The following NEGR1 variants were observed in gnomAD, a reference collection of about 807,000 sequenced individuals.
NEGR1 encodes the protein neuronal growth regulator 1, also known as IgLON family member 4.
Under a neutral mutation model 40.9 loss-of-function variants are expected in NEGR1, and 10 were observed. The ratio of observed to expected loss-of-function variants is 0.24; its 90% confidence interval spans 0.15 to 0.42. The LOEUF is 0.42. Ranked by LOEUF, NEGR1 falls within the 10% of genes least tolerant of loss-of-function variation. The pLI is 1.00. For missense variants in NEGR1, 352 were observed against 438.9 expected, an observed-to-expected ratio of 0.80 and a Z score of 1.77; for synonymous variants, 185 against 166.8, an observed-to-expected ratio of 1.11 and a Z score of -0.84.
intron 6 of NEGR1, among the ~76,000 whole-genome samples, chr1:71,466,583 G>A (rs1646747644): frequency 6.6e-6 from 1 of 152,040 alleles, no homozygotes; most frequent in South Asian, 2.1e-4. Context: ...CCTGGTCAGA[G>A]TAGGCCTCGT....
intron 1 of NEGR1, among the ~76,000 whole-genome samples, chr1:72,222,131 G>A (rs1358530438): frequency 6.6e-6 from 1 of 152,096 alleles, no homozygotes; most frequent in African/African-American, 2.4e-5. Context: ...GACCCTTGCA[G>A]ATCAAAAGCC....
chr1:72,081,991 G>A (rs1648017975), intron 1 of NEGR1, among the ~76,000 whole-genome samples: 1 of 152,084 alleles, frequency 6.6e-6, no homozygotes, highest in Non-Finnish European at 1.5e-5. Context: ...TTAGTAAGGG[G>A]TGTAGCAAGC....
intron 6 of NEGR1, chr1:71,468,590 A>AT (rs1646762008): frequency 6.6e-6 from 1 of 152,046 alleles, no homozygotes; most frequent in African/African-American, 2.4e-5. Context: ...AGTCAGAGCC[A>AT]TAAAACAGAT....
chr1:71,863,971 T>G (rs914947467), intron 2 of NEGR1, among the ~76,000 whole-genome samples: 1 of 152,188 alleles, frequency 6.6e-6, no homozygotes, highest in African/African-American at 2.4e-5. Flanking sequence ...TTTATAGATT[T>G]AAAAAAACTG....
chr1:71,957,208 A>G (rs1646126396), intron 1 of NEGR1, among the ~76,000 whole-genome samples: 1 of 152,152 alleles, frequency 6.6e-6, no homozygotes, highest in Admixed American at 6.6e-5. Context: ...AAGTCTTCAG[A>G]GAGTTTCACT....
chr1:72,245,618 G>T (rs1020233721), intron 1 of NEGR1, among the ~76,000 whole-genome samples: 2 of 151,998 alleles, frequency 1.3e-5, no homozygotes, highest in Admixed American at 1.3e-4. Flanking sequence ...ATTTTTGGCT[G>T]TAAGAAAATA....
At chr1:72,122,434 C>G (rs1162183035) in intron 1 of NEGR1, among the ~76,000 whole-genome samples, 5 of 151,896 alleles carry the variant, frequency 3.3e-5, no homozygotes, top group Admixed American at 3.3e-4. Flanking sequence ...ATTTTATTCC[C>G]AATCCATTTA....
chr1:71,433,168 T>G (rs1384611785), intron 6 of NEGR1, among the ~76,000 whole-genome samples: 1 of 152,244 alleles, frequency 6.6e-6, no homozygotes, highest in African/African-American at 2.4e-5. Flanking sequence ...GATAATACCT[T>G]GATCTTGGAC....
chr1:71,671,712 C>A (rs981328430), intron 4 of NEGR1, among the ~76,000 whole-genome samples: 1 of 152,044 alleles, frequency 6.6e-6, no homozygotes, highest in Non-Finnish European at 1.5e-5. Flanking sequence ...GGGTTCTTCT[C>A]ACTGGTCTCT....
chr1:71,504,393 C>T (rs140656752), intron 6 of NEGR1, among the ~76,000 whole-genome samples: 49 of 151,760 alleles, frequency 3.2e-4, no homozygotes, highest in African/African-American at 1.1e-3. Context: ...AGATCCCCCT[C>T]ACAGGAGACA....
chr1:72,139,919 A>C (rs559368329), intron 1 of NEGR1, among the ~76,000 whole-genome samples: 1 of 152,156 alleles, frequency 6.6e-6, no homozygotes, highest in Non-Finnish European at 1.5e-5. Flanking sequence ...GTGAACTGGG[A>C]GAAGCAGCAG....
At chr1:72,068,804 T>C (rs560666300) in intron 1 of NEGR1, among the ~76,000 whole-genome samples, 1 of 152,128 alleles carries the variant, frequency 6.6e-6, no homozygotes. Flanking sequence ...AAATGCCAGT[T>C]TGGAATTATT....
chr1:72,204,549 T>C (rs1208870130), intron 1 of NEGR1, among the ~76,000 whole-genome samples: 1 of 152,196 alleles, frequency 6.6e-6, no homozygotes, highest in East Asian at 1.9e-4. Context: ...ATACTGTTGG[T>C]GCTTTGCTCT....
At chr1:72,142,568 CAGAT>C (rs1267505778) in intron 1 of NEGR1, among the ~76,000 whole-genome samples, 1 of 100,352 alleles carries the variant, frequency 1.0e-5, no homozygotes, top group Non-Finnish European at 2.1e-5. Flanking sequence ...GATAGATAGA[CAGAT>C]AGTGATAGAA....
chr1:71,677,443 T>C (rs915332180), intron 4 of NEGR1, among the ~76,000 whole-genome samples: 5 of 152,328 alleles, frequency 3.3e-5, no homozygotes, highest in African/African-American at 1.2e-4. Context: ...TTGAGTTGCA[T>C]GGCTGCTTTT....
At position 71,778,522 on chromosome 1, in the gene NEGR1, T is replaced by G. The variant is rs182666523; in HGVS notation, c.410-2225A>C. On this transcript the variant is annotated intron_variant, in intron 2 of 6. Coordinates refer to ENST00000357731, the MANE Select transcript of NEGR1 (RefSeq NM_173808.3). Reference sequence around the variant, plus strand: ...TCAATTTACAATGGGTTTATTTGGATGTAACCTTATCATAACATGAGGAGC... The same window carrying G: ...TCAATTTACAATGGGTTTATTTGGAGGTAACCTTATCATAACATGAGGAGC... Among the ~76,000 whole-genome samples, 268 of 152,330 alleles carry G rather than the reference T, an allele frequency of 1.8e-3. 1 individual carries two copies. The highest frequency in any genetic ancestry group is 3.7e-3 in the Admixed American group (57 of 15,294).
chr1:71,534,003 A>G (rs1056612774), intron 6 of NEGR1, among the ~76,000 whole-genome samples: 1 of 151,734 alleles, frequency 6.6e-6, no homozygotes, highest in Non-Finnish European at 1.5e-5. Context: ...AAACCAGATT[A>G]GATTCTTAAA....
At chr1:72,094,420 A>G (rs184302878) in intron 1 of NEGR1, among the ~76,000 whole-genome samples, 2 of 152,338 alleles carry the variant, frequency 1.3e-5, no homozygotes, top group East Asian at 3.9e-4. Flanking sequence ...TGAAGTCCCT[A>G]TTCTCTGTGT....
intron 2 of NEGR1, among the ~76,000 whole-genome samples, chr1:71,847,884 G>A (rs1325808751): frequency 6.6e-6 from 1 of 152,168 alleles, no homozygotes; most frequent in Non-Finnish European, 1.5e-5. Flanking sequence ...CTGAAACCTA[G>A]GCCTCTTGCA....
Sources: allele counts gnomAD v4.1 joint callset (sites outside exome capture counted in the v4.1 genomes callset), GRCh38; gene constraint gnomAD v4.1.1; transcripts MANE v1.5; gene names NCBI Gene and HGNC (gene_info 2026-07-23, HGNC 2026-07-21).